Variants in CADM2 observed in about 807,000 individuals in gnomAD.
CADM2 encodes the protein cell adhesion molecule 2, also known as immunoglobulin superfamily member 4D.
CADM2 carries 12 observed loss-of-function variants against 49.8 expected under a neutral mutation model. The observed-to-expected ratio is 0.24, with a 90% confidence interval of 0.15 to 0.39. CADM2 has a LOEUF of 0.39. CADM2 is among the 10% of genes least tolerant of loss of function. CADM2 has a pLI of 1.00. For synonymous variants in CADM2, 214 were observed against 175.4 expected (o/e 1.22, Z -1.74); for missense variants, 378 against 492.3 (o/e 0.77, Z 2.20).
intron 1 of CADM2, among the ~76,000 whole-genome samples, chr3:85,067,071 T>C (rs2036553099): frequency 6.6e-6 from 1 of 152,172 alleles, no homozygotes; most frequent in East Asian, 1.9e-4. Flanking sequence ...CTTTAAAAAT[T>C]TTTGTTAAAA....
intron 5 of CADM2, among the ~76,000 whole-genome samples, chr3:85,901,157 G>A (rs1198720273): frequency 6.6e-6 from 1 of 152,166 alleles, no homozygotes; most frequent in Non-Finnish European, 1.5e-5. Context: ...TGGTGCCATT[G>A]CACTGCAGCC....
intron 1 of CADM2, among the ~76,000 whole-genome samples, chr3:85,606,958 A>G (rs1002498848): frequency 6.6e-6 from 1 of 152,138 alleles, no homozygotes; most frequent in African/African-American, 2.4e-5. Flanking sequence ...GAGAAAGATA[A>G]GAGATGGAGA....
intron 1 of CADM2, among the ~76,000 whole-genome samples, chr3:85,430,593 C>T (rs775979757): frequency 9.4e-5 from 11 of 116,436 alleles, no homozygotes; most frequent in African/African-American, 3.8e-4. Flanking sequence ...CCAAGAATTG[C>T]GAATAAGGAG....
intron 1 of CADM2, among the ~76,000 whole-genome samples, chr3:85,207,246 C>T (rs1253780107): frequency 6.6e-6 from 1 of 152,090 alleles, no homozygotes; most frequent in Non-Finnish European, 1.5e-5. Flanking sequence ...CTTTTTATCT[C>T]AAAGATATTG....
At chr3:86,014,031 T>C (rs935622278) in intron 8 of CADM2, 1 of 1,357,090 alleles carries the variant, frequency 7.4e-7, no homozygotes, top group Non-Finnish European at 1.0e-6. Flanking sequence ...ACAACTGCTT[T>C]TAGAACTTGA....
chr3:85,069,342 T>C (rs902566434), intron 1 of CADM2, among the ~76,000 whole-genome samples: 4 of 152,134 alleles, frequency 2.6e-5, no homozygotes, highest in Non-Finnish European at 5.9e-5. Flanking sequence ...AAATCATTTG[T>C]CAAAAATAAT....
chr3:85,028,554 T>A (rs1186142740), intron 1 of CADM2, among the ~76,000 whole-genome samples: 1 of 152,176 alleles, frequency 6.6e-6, no homozygotes, highest in African/African-American at 2.4e-5. Context: ...TTATCTTATT[T>A]CAAAATTTCT....
chr3:86,066,495 G>A (rs1156346003), intron 9 of CADM2, among the ~76,000 whole-genome samples, 170 bp from the exon 10 acceptor site: 1 of 152,046 alleles, frequency 6.6e-6, no homozygotes, highest in African/African-American at 2.4e-5. Flanking sequence ...AACTTCACCT[G>A]CAGCGTACCT....
chr3:84,986,610 G>C (rs567750924), intron 1 of CADM2, among the ~76,000 whole-genome samples: 1 of 151,966 alleles, frequency 6.6e-6, no homozygotes, highest in Non-Finnish European at 1.5e-5. Flanking sequence ...TTGTGGGGTG[G>C]GGGGAGCGGG....
chr3:85,030,537 C>A (rs550797088), intron 1 of CADM2, among the ~76,000 whole-genome samples: 1 of 152,272 alleles, frequency 6.6e-6, no homozygotes, highest in African/African-American at 2.4e-5. Flanking sequence ...TTTTTATGAA[C>A]TTTTGAGCCA....
At chr3:85,753,478 G>T (rs2068959435) in intron 2 of CADM2, among the ~76,000 whole-genome samples, 1 of 152,128 alleles carries the variant, frequency 6.6e-6, no homozygotes, top group African/African-American at 2.4e-5. Flanking sequence ...GTGAAAGACA[G>T]TTGCAGTTTC....
rs945751904 is a variant in CADM2, at chr3:85,908,721, G to A, written c.530-3652G>A. The stretch of plus-strand genomic sequence containing the variant: ...AATTGTAATTATTATAATAACTTAC[G>A]GTTATGATTTTTTTTTTTTTTGAGA... On this transcript the variant is annotated intron_variant, in intron 5 of 9. Coordinates refer to ENST00000383699, the MANE Select transcript of CADM2 (RefSeq NM_001167675.2). Among the ~76,000 whole-genome samples the A allele has an allele frequency of 5.8e-5, 7 of 120,646 alleles. No homozygotes were observed. In the East Asian group the frequency reaches 1.1e-3, roughly 19 times the overall value. 79.1% of individuals were successfully genotyped at this position (120,646 alleles called of 152,430 possible).
intron 3 of CADM2, among the ~76,000 whole-genome samples, chr3:85,817,555 C>A (rs1251116491): frequency 6.6e-6 from 1 of 152,092 alleles, no homozygotes; most frequent in Non-Finnish European, 1.5e-5. Flanking sequence ...TTATTTATTT[C>A]TTTGCAACTT....
chr3:85,649,058 A>G (rs2107575589), intron 1 of CADM2, among the ~76,000 whole-genome samples: 1 of 152,226 alleles, frequency 6.6e-6, no homozygotes, highest in Middle Eastern at 3.4e-3. Flanking sequence ...CTTTTATGAT[A>G]TAACATCCTT....
chr3:85,310,266 G>C (rs374800168), intron 1 of CADM2, among the ~76,000 whole-genome samples: 1 of 151,086 alleles, frequency 6.6e-6, no homozygotes, highest in African/African-American at 2.4e-5. Flanking sequence ...GGAAAGAGTT[G>C]TGATACTGAT....
intron 1 of CADM2, among the ~76,000 whole-genome samples, chr3:85,553,315 TA>T (rs560118301): frequency 1.4e-3 from 216 of 151,960 alleles, no homozygotes; most frequent in African/African-American, 4.7e-3. Flanking sequence ...TTCTTTTTTT[TA>T]AACAAAGAAG....
At chr3:84,959,975 T>A (rs1401423485) in intron 1 of CADM2, 1 of 507,690 alleles carries the variant, frequency 2.0e-6, no homozygotes, top group Non-Finnish European at 3.5e-6. Context: ...GCCTTTTGGC[T>A]GGCAACTTGT....
In CADM2 at chr3:85,522,193, C is replaced by T. The variant is rs73843641; in HGVS notation, c.62-204329C>T. On this transcript the variant is annotated intron_variant, in intron 1 of 9. Transcript: ENST00000383699. The stretch of plus-strand genomic sequence containing the variant: ...GTATACATCACGATATTATCCGTCC[C>T]CTTCCCTGTTCGCCTTCCCTTTAGT... Among the ~76,000 whole-genome samples, 423 of 152,148 alleles carry T rather than the reference C, an allele frequency of 2.8e-3. 3 individuals are homozygous for T. The highest frequency in any genetic ancestry group is 9.9e-3 in the African/African-American group (410 of 41,516).
intron 2 of CADM2, among the ~76,000 whole-genome samples, chr3:85,777,998 G>A (rs970937411): frequency 1.3e-5 from 2 of 152,112 alleles, no homozygotes; most frequent in African/African-American, 4.8e-5. Context: ...CCAGTGAACA[G>A]TACAATCATC....
Sources: allele counts gnomAD v4.1 joint callset (sites outside exome capture counted in the v4.1 genomes callset), GRCh38; gene constraint gnomAD v4.1.1; transcripts MANE v1.5; gene names NCBI Gene and HGNC (gene_info 2026-07-23, HGNC 2026-07-21).